RBM47: variants seen among roughly 807,000 people sequenced by gnomAD.
RBM47 encodes the protein RNA-binding protein 47.
Under a neutral mutation model 47.1 loss-of-function variants are expected in RBM47, and 21 were observed. The observed-to-expected ratio is 0.45, with a 90% CI of 0.32 to 0.64. The LOEUF (loss-of-function observed/expected upper bound fraction) is 0.64. Among genes scored for constraint, RBM47 ranks in the 30% least tolerant of loss-of-function variants. The probability of loss-of-function intolerance (pLI) is 0.05; values close to 1 mark genes in which losing one functional copy is unlikely to be tolerated. For missense variants in RBM47, 708 were observed against 870.9 expected (o/e 0.81, Z 2.35); for synonymous variants, 375 against 361.7 (o/e 1.04, Z -0.42).
At chr4:40,593,294 AT>A (rs1288921450) in intron 1 of RBM47, among the ~76,000 whole-genome samples, 4 of 151,702 alleles carry the variant, frequency 2.6e-5, no homozygotes, top group Admixed American at 2.6e-4. Flanking sequence ...CGGGACATAC[AT>A]TTTTATAAAA....
chr4:40,435,019 T>A (rs59258138), intron 5 of RBM47, among the ~76,000 whole-genome samples: 2 of 152,116 alleles, frequency 1.3e-5, no homozygotes. Flanking sequence ...GAGTTTGTGA[T>A]AGACTCACAC....
chr4:40,533,367 G>A (rs2154259962), intron 2 of RBM47, among the ~76,000 whole-genome samples: 1 of 150,530 alleles, frequency 6.6e-6, no homozygotes, highest in East Asian at 2.0e-4. Context: ...TCGGGAGGCA[G>A]AAGTTGCAGT....
At chr4:40,492,893 C>T (rs1210046976) in intron 2 of RBM47, among the ~76,000 whole-genome samples, 1 of 152,142 alleles carries the variant, frequency 6.6e-6, no homozygotes, top group Non-Finnish European at 1.5e-5. Flanking sequence ...CCTTCCCAGC[C>T]TCAGCAGGCA....
chr4:40,477,269 T>C (rs1283055487), intron 2 of RBM47, among the ~76,000 whole-genome samples: 1 of 152,170 alleles, frequency 6.6e-6, no homozygotes, highest in African/African-American at 2.4e-5. Flanking sequence ...AAAAAGACAG[T>C]TTTATTACTC....
rs114908747 is a variant in RBM47, at chr4:40,505,422, G to A, written c.-154-38723C>T. On this transcript the variant is annotated intron_variant, in intron 2 of 6. Coordinates refer to ENST00000295971, the MANE Select transcript of RBM47 (RefSeq NM_001098634.2). ...CTGGGGAATCACTTGAACCCAGTGA[G>A]GCGAGATTGTGCCATCGCACTCCAG... Among the ~76,000 whole-genome samples, 607 of 150,192 alleles carry A rather than the reference G, an allele frequency of 4.0e-3. 3 individuals carry two copies. Among genetic ancestry groups the A allele is most frequent in the Non-Finnish European group, 6.7e-3 (454 of 67,784 alleles).
Position 40,583,388 on chromosome 4 carries a change from GAAAAAAAAAAAAAAAA to G in RBM47, c.-239-38898_-239-38883del, listed in dbSNP as rs56371832. On this transcript the variant is annotated intron_variant, in intron 1 of 6. Transcript: ENST00000295971. Reference sequence around the variant, plus strand: ...GAGATCACGCCACTACTCCATCTCAGAAAAAAAAAAAAAAAAAAAAAAAAAAGGGAAACAGAAGCTG... The same window carrying G: ...GAGATCACGCCACTACTCCATCTCAGAAAAAAAAAAGGGAAACAGAAGCTG... Among the ~76,000 whole-genome samples, 3 of 91,102 alleles carry G rather than the reference GAAAAAAAAAAAAAAAA, an allele frequency of 3.3e-5. 1 individual carries two copies. Among genetic ancestry groups the G allele is most frequent in the African/African-American group, 1.2e-4 (3 of 24,466 alleles). The allele number at this position is 91,102 out of a possible 152,430, so 59.8% of individuals were successfully genotyped here. A position where few individuals can be genotyped will look rare whatever the true frequency, so the allele number is the denominator to read the frequency against.
chr4:40,528,229 G>A (rs1726949107), intron 2 of RBM47, among the ~76,000 whole-genome samples: 1 of 152,028 alleles, frequency 6.6e-6, no homozygotes, highest in African/African-American at 2.4e-5. Context: ...TGGCCAAAAT[G>A]GTGAAACACC....
At chr4:40,444,752 C>G (rs1284479034) in intron 3 of RBM47, among the ~76,000 whole-genome samples, 1 of 151,706 alleles carries the variant, frequency 6.6e-6, no homozygotes, top group East Asian at 2.0e-4. Flanking sequence ...GCAATCTCCA[C>G]CTCCAGGATT....
chr4:40,479,478 C>T (rs1720082018), intron 2 of RBM47, among the ~76,000 whole-genome samples: 1 of 152,034 alleles, frequency 6.6e-6, no homozygotes, highest in Admixed American at 6.6e-5. Context: ...TGACATATGC[C>T]TGTGGTCCCA....
chr4:40,595,646 G>C (rs943101612), intron 1 of RBM47, among the ~76,000 whole-genome samples: 2 of 152,118 alleles, frequency 1.3e-5, no homozygotes, highest in African/African-American at 4.8e-5. Flanking sequence ...CTAGCACTTT[G>C]GGAGGCTGAG....
At chr4:40,566,957 T>C (rs1004173549) in intron 1 of RBM47, among the ~76,000 whole-genome samples, 1 of 149,950 alleles carries the variant, frequency 6.7e-6, no homozygotes, top group African/African-American at 2.5e-5. Context: ...CCATTCTGTG[T>C]CTTCATCATT....
At chr4:40,516,914 T>TA (rs1223553656) in intron 2 of RBM47, among the ~76,000 whole-genome samples, 1 of 152,186 alleles carries the variant, frequency 6.6e-6, no homozygotes, top group Non-Finnish European at 1.5e-5. Flanking sequence ...TGTTAGGGTT[T>TA]ATCTCACTTG....
At chr4:40,474,464 A>G (rs1192644151) in intron 2 of RBM47, among the ~76,000 whole-genome samples, 4 of 152,232 alleles carry the variant, frequency 2.6e-5, no homozygotes, top group East Asian at 3.8e-4. Flanking sequence ...TAATACAAGT[A>G]TACAATTTCA....
Position 40,545,625 on chromosome 4 carries a change from T to A in RBM47, c.-239-1119A>T, listed in dbSNP as rs111269168. Among the ~76,000 whole-genome samples the A allele has an allele frequency of 4.4e-4, 65 of 149,140 alleles. 1 individual carries two copies. Among genetic ancestry groups the A allele is most frequent in the African/African-American group, 1.5e-3 (62 of 40,976 alleles). On this transcript the variant is annotated intron_variant, in intron 1 of 6. Coordinates refer to ENST00000295971, the MANE Select transcript of RBM47 (RefSeq NM_001098634.2). ...GTTGCAGTGAGCCAAGATCACGCGA[T>A]TGCTCTCCAGTCTGGGCAACAAGAG...
chr4:40,511,676 C>T (rs1191631474), intron 2 of RBM47, among the ~76,000 whole-genome samples: 1 of 152,174 alleles, frequency 6.6e-6, no homozygotes, highest in Non-Finnish European at 1.5e-5. Flanking sequence ...CTAAATCGGG[C>T]TGGGCACAGG....
chr4:40,539,647 G>A (rs949250628), intron 2 of RBM47, among the ~76,000 whole-genome samples: 32 of 144,826 alleles, frequency 2.2e-4, no homozygotes, highest in African/African-American at 8.0e-4. Context: ...GGCTGAGGCA[G>A]GAGAATCACT....
At chr4:40,534,297 A>G (rs1392952346) in intron 2 of RBM47, among the ~76,000 whole-genome samples, 1 of 151,996 alleles carries the variant, frequency 6.6e-6, no homozygotes, top group African/African-American at 2.4e-5. Context: ...AACATGATTG[A>G]AACTTGAAAC....
rs530057273 is a variant in RBM47, at chr4:40,570,507, G to A, written c.-239-26001C>T. On this transcript the variant is annotated intron_variant, in intron 1 of 6. Transcript: ENST00000295971. ...TCAGAACTCAGGCAGTAATGTAAGC[G>A]ATGGGGAACGACTGTAAATACAGAT... Among the ~76,000 whole-genome samples, 40 of 152,002 alleles carry A rather than the reference G, an allele frequency of 2.6e-4. 1 individual carries two copies. The highest frequency in any genetic ancestry group is 3.8e-4 in the Non-Finnish European group (26 of 67,864).
intron 2 of RBM47, among the ~76,000 whole-genome samples, chr4:40,469,722 G>C (rs560641179): frequency 5.3e-5 from 8 of 152,072 alleles, no homozygotes; most frequent in South Asian, 2.1e-4. Flanking sequence ...GAAATGTCCT[G>C]TGTTACTTGA....
Sources: gnomAD v4.1 joint callset for allele counts (sites outside exome capture counted in the v4.1 genomes callset) on GRCh38, gnomAD v4.1.1 for gene constraint, MANE v1.5 for transcripts, NCBI Gene and HGNC (gene_info 2026-07-23, HGNC 2026-07-21) for gene names.